Variants in NEDD4L observed in about 807,000 individuals in gnomAD.
NEDD4L encodes the protein E3 ubiquitin-protein ligase NEDD4-like.
NEDD4L carries 54 observed loss-of-function variants against 148.9 expected under a neutral mutation model. The ratio of observed to expected loss-of-function variants is 0.36; its 90% CI spans 0.29 to 0.45. The LOEUF (loss-of-function observed/expected upper bound fraction) is 0.45. NEDD4L is among the 20% of genes least tolerant of loss of function. The probability of loss-of-function intolerance (pLI) is 1.00; values close to 1 mark genes in which losing one functional copy is unlikely to be tolerated. For synonymous variants in NEDD4L, 433 were observed against 440.7 expected, an observed-to-expected ratio of 0.98 and a Z score of 0.22; for missense variants, 856 against 1,233.8, an observed-to-expected ratio of 0.69 and a Z score of 4.59.
At chr18:58,275,399 T>C (rs2051748346) in intron 5 of NEDD4L, among the ~76,000 whole-genome samples, 1 of 152,196 alleles carries the variant, frequency 6.6e-6, no homozygotes, top group African/African-American at 2.4e-5. Flanking sequence ...ACCCATCTTG[T>C]TCAAGGGTCA....
chr18:58,348,251 G>A (rs1382196235), intron 16 of NEDD4L, among the ~76,000 whole-genome samples: 3 of 151,454 alleles, frequency 2.0e-5, no homozygotes, highest in Admixed American at 2.0e-4. Flanking sequence ...TCCCGCCTTG[G>A]CCTCCCAAAG....
chr18:58,065,561 A>G (rs551821446), intron 1 of NEDD4L, among the ~76,000 whole-genome samples: 1 of 152,346 alleles, frequency 6.6e-6, no homozygotes, highest in African/African-American at 2.4e-5. Flanking sequence ...GATACGCTGG[A>G]TGGTGCCCAG....
intron 1 of NEDD4L, among the ~76,000 whole-genome samples, chr18:58,137,337 A>G (rs753041711): frequency 3.9e-5 from 6 of 152,236 alleles, no homozygotes; most frequent in Non-Finnish European, 7.3e-5. Context: ...GCAGGGCCTC[A>G]TGGGCACCAC....
At position 58,139,058 on chromosome 18, in the gene NEDD4L, C is replaced by T. The variant is rs543460523; in HGVS notation, c.49-26730C>T. 9.8e-5 allele frequency among the ~76,000 whole-genome samples: 15 copies of T among 152,336 alleles called. No homozygotes were observed. In the East Asian group the frequency reaches 2.9e-3, roughly 29 times the overall value. On this transcript the variant is annotated intron_variant, in intron 1 of 30. Transcript: ENST00000400345. ...ACATTCTGGGTCCTCAGTGCCTTGC[C>T]TTTATTTTACCTGATATAATCCTTC...
At chr18:58,222,255 C>T (rs945662306) in intron 2 of NEDD4L, among the ~76,000 whole-genome samples, 10 of 152,096 alleles carry the variant, frequency 6.6e-5, no homozygotes, top group African/African-American at 2.2e-4. Flanking sequence ...AGGGAGATAC[C>T]AGCTCTCCTT....
chr18:58,187,555 A>G (rs957296773), intron 2 of NEDD4L, among the ~76,000 whole-genome samples: 5 of 152,186 alleles, frequency 3.3e-5, no homozygotes, highest in African/African-American at 9.7e-5. Context: ...CTTTGACTTA[A>G]TATTTTCTGT....
chr18:58,153,334 CTT>C lies in NEDD4L; in HGVS notation c.49-12433_49-12432del, dbSNP rs58164854. ...TAAATTGGAAGTGGGAAGAGATTGACTTTTTTTTTTTTTTTTTTTTTTAAAGA... is the reference window on the plus strand; with the variant it reads ...TAAATTGGAAGTGGGAAGAGATTGACTTTTTTTTTTTTTTTTTTTTAAAGA... On this transcript the variant is annotated intron_variant, in intron 1 of 30. Transcript: ENST00000400345. Among the ~76,000 whole-genome samples the C allele has an allele frequency of 4.1e-3, 524 of 128,090 alleles. 2 individuals are homozygous for C. Among genetic ancestry groups the C allele is most frequent in the African/African-American group, 0.011 (361 of 34,282 alleles). The allele number at this position is 128,090 out of a possible 152,430, so 84.0% of individuals were successfully genotyped here.
At chr18:58,273,498 C>T (rs565286829) in intron 5 of NEDD4L, among the ~76,000 whole-genome samples, 17 of 152,246 alleles carry the variant, frequency 1.1e-4, no homozygotes, top group East Asian at 3.9e-4. Flanking sequence ...GATATAGACA[C>T]GGTAGAGTCA....
intron 5 of NEDD4L, among the ~76,000 whole-genome samples, chr18:58,293,741 A>T (rs1372982289): frequency 6.6e-6 from 1 of 151,886 alleles, no homozygotes; most frequent in Non-Finnish European, 1.5e-5. Flanking sequence ...AGTAAGGAAA[A>T]TTTTTTTTGA....
intron 2 of NEDD4L, among the ~76,000 whole-genome samples, chr18:58,178,657 T>G (rs2038457072): frequency 6.6e-6 from 1 of 152,234 alleles, no homozygotes; most frequent in Admixed American, 6.5e-5. Flanking sequence ...GCATTCCTAC[T>G]GTATAATATC....
chr18:58,130,274 T>C (rs570896768), intron 1 of NEDD4L, among the ~76,000 whole-genome samples: 26 of 143,824 alleles, frequency 1.8e-4, no homozygotes, highest in East Asian at 1.5e-3. Flanking sequence ...TGTGATCTAG[T>C]GGAACTGTGG....
chr18:58,322,479 C>A lies in NEDD4L; in HGVS notation c.403C>A (p.Pro135Thr). ...TACATTTAAGGACTTTCTCCTCAGA[C>A]CAAGAAGGTGAGGCTTGTGGGTATG... ...PYTFKDFLLR[P>T]RSHKSRVKGF... The change falls in exon 7 of 31, where the codon CCA becomes ACA. Residue 135 changes from proline (P) to threonine (T), a missense_variant. Coordinates refer to ENST00000400345, the MANE Select transcript of NEDD4L (RefSeq NM_001144967.3). 1 of 1,587,336 alleles carries A rather than the reference C, an allele frequency of 6.3e-7. No homozygotes were observed. The highest frequency in any genetic ancestry group is 1.3e-5 in the African/African-American group (1 of 74,594).
chr18:58,304,346 CAAA>C (rs147670637), intron 5 of NEDD4L, among the ~76,000 whole-genome samples: 2 of 64,314 alleles, frequency 3.1e-5, no homozygotes, highest in African/African-American at 5.7e-5. Context: ...CCTGTCTCTA[CAAA>C]AAAAAAAAAA....
At chr18:58,154,193 T>C (rs910565487) in intron 1 of NEDD4L, among the ~76,000 whole-genome samples, 1 of 150,542 alleles carries the variant, frequency 6.6e-6, no homozygotes, top group South Asian at 2.1e-4. Context: ...AAAGGAACAC[T>C]GTGCCCAGGC....
At chr18:58,183,610 G>A (rs1403853635) in intron 2 of NEDD4L, among the ~76,000 whole-genome samples, 2 of 152,168 alleles carry the variant, frequency 1.3e-5, no homozygotes, top group Admixed American at 1.3e-4. Context: ...ATCTTACCGA[G>A]TTGATTGAGT....
intron 22 of NEDD4L, among the ~76,000 whole-genome samples, chr18:58,369,889 C>T (rs1422019415): frequency 6.6e-6 from 1 of 152,230 alleles, no homozygotes; most frequent in Admixed American, 6.5e-5. Context: ...TGCTTTCTCC[C>T]CATCGCTGCC....
intron 12 of NEDD4L, among the ~76,000 whole-genome samples, chr18:58,334,648 A>G (rs147408526): frequency 1.4e-4 from 21 of 152,332 alleles, no homozygotes; most frequent in African/African-American, 5.1e-4. Context: ...AACCTTGATC[A>G]TTTTTAAGAC....
intron 1 of NEDD4L, among the ~76,000 whole-genome samples, chr18:58,142,013 G>A (rs1333336200): frequency 1.3e-4 from 4 of 31,828 alleles, no homozygotes; most frequent in Non-Finnish European, 2.0e-4. Context: ...CCACCCCCCC[G>A]ACCCCACTGC....
intron 24 of NEDD4L, among the ~76,000 whole-genome samples, chr18:58,374,667 C>CTCACTA (rs2047322638): frequency 6.6e-6 from 1 of 151,886 alleles, no homozygotes; most frequent in African/African-American, 2.4e-5. Flanking sequence ...CCTCTGCTGC[C>CTCACTA]TTTGACACAA....
Sources: gnomAD v4.1 joint callset for allele counts (sites outside exome capture counted in the v4.1 genomes callset) on GRCh38, gnomAD v4.1.1 for gene constraint, MANE v1.5 for transcripts, NCBI Gene and HGNC (gene_info 2026-07-23, HGNC 2026-07-21) for gene names.